Variants in ACSM2A observed in about 807,000 individuals in gnomAD.
The protein encoded by ACSM2A is acyl-CoA synthetase medium chain family member 2A.
A neutral mutation model predicts 76.6 loss-of-function variants in ACSM2A; 72 were observed. The ratio of observed to expected loss-of-function variants is 0.94; its 90% confidence interval spans 0.78 to 1.14. ACSM2A has a LOEUF of 1.14. Ranked by LOEUF, ACSM2A falls within the 50% of genes most tolerant of loss-of-function variation. The pLI, the probability that ACSM2A is intolerant of heterozygous loss-of-function variation, is 0.00. For synonymous variants in ACSM2A, 249 were observed against 255.9 expected (o/e 0.97, Z 0.26); for missense variants, 684 against 708.5 (o/e 0.97, Z 0.39).
chr16:20,473,152 T>C (rs1426136199), intron 6 of ACSM2A, among the ~76,000 whole-genome samples: 1 of 152,188 alleles, frequency 6.6e-6, no homozygotes, highest in Non-Finnish European at 1.5e-5. Flanking sequence ...AGACATCTAT[T>C]TGGCTGCAGC....
At position 20,465,531 on chromosome 16, in the gene ACSM2A, C is replaced by T; in HGVS notation, c.192C>T (p.Leu64=). Residue 64 remains leucine, a synonymous_variant, in exon 3 of 14, where the codon CTC becomes CTT. Coordinates refer to ENST00000573854, the MANE Select transcript of ACSM2A (RefSeq NM_001308172.2). ...WADMEKAGKR[L]PSPALWWVNG... ...TCTTTCCTCAGGCTGGCAAGCGACT[C>T]CCAAGCCCAGCCCTGTGGTGGGTGA... 6.2e-7 allele frequency: 1 copy of T among 1,613,920 alleles called. No homozygotes were observed. Among genetic ancestry groups the T allele is most frequent in the Non-Finnish European group, 8.5e-7 (1 of 1,179,832 alleles).
intron 5 of ACSM2A, 68 bp downstream of exon 5, chr16:20,471,284 A>AT: frequency 6.4e-7 from 1 of 1,572,802 alleles, no homozygotes; most frequent in Non-Finnish European, 8.6e-7. Context: ...AATGAGACCC[A>AT]ATTATATATT....
intron 1 of ACSM2A, among the ~76,000 whole-genome samples, chr16:20,457,007 T>C (rs898929758): frequency 3.3e-5 from 5 of 151,700 alleles, no homozygotes; most frequent in Admixed American, 2.0e-4. Flanking sequence ...AAAAGATCAT[T>C]CAAGGCACTA....
intron 12 of ACSM2A, chr16:20,481,257 G>A (rs201104226): frequency 1.2e-4 from 39 of 320,562 alleles, no homozygotes; most frequent in East Asian, 2.0e-4. Flanking sequence ...AGCATATCAA[G>A]AAGATGTCCA....
chr16:20,462,297 T>C (rs1240993390), intron 2 of ACSM2A, among the ~76,000 whole-genome samples: 1 of 152,132 alleles, frequency 6.6e-6, no homozygotes, highest in East Asian at 1.9e-4. Context: ...ACCATAATTC[T>C]AATGCTGTGG....
chr16:20,474,722 T>C (rs931251438), intron 6 of ACSM2A, among the ~76,000 whole-genome samples: 3 of 152,196 alleles, frequency 2.0e-5, no homozygotes, highest in African/African-American at 7.2e-5. Flanking sequence ...GAGCAGCTAC[T>C]TAACCTTGTA....
In ACSM2A at chr16:20,486,786, A is replaced by G; in HGVS notation, c.*108A>G. The G allele has an allele frequency of 7.3e-7, 1 of 1,362,702 alleles. No individual in the cohort carries two copies. The highest frequency in any genetic ancestry group is 2.0e-5 in the Admixed American group (1 of 50,502). 84.4% of individuals were successfully genotyped at this position (1,362,702 alleles called of 1,614,324 possible). A position where few individuals can be genotyped will look rare whatever the true frequency, so the allele number is the denominator to read the frequency against. On this transcript the variant is annotated 3_prime_UTR_variant, in exon 14 of 14. Coordinates refer to ENST00000573854, the MANE Select transcript of ACSM2A (RefSeq NM_001308172.2). ...TGAGATTCTTTATGGAAGAACATGA[A>G]TATAAGTTTTGTCTTGCCTTGGTTA...
Position 20,479,071 on chromosome 16 carries a change from G to T in ACSM2A, c.1281+394G>T, listed in dbSNP as rs1298316695. ...TTAGAGCCATGCCAGGCACTTTACA[G>T]TAAGACTTCACCATCTAGTTGGAGG... On this transcript the variant is annotated intron_variant, in intron 10 of 13. Transcript: ENST00000573854. 1.4e-4 allele frequency among the ~76,000 whole-genome samples: 21 copies of T among 151,976 alleles called. No individual in the cohort carries two copies. The East Asian group carries it at 3.1e-3, about 22-fold the overall frequency.
intron 12 of ACSM2A, chr16:20,482,284 A>T (rs147169385): frequency 1.2e-4 from 18 of 152,290 alleles, no homozygotes; most frequent in African/African-American, 4.1e-4. Flanking sequence ...TTTGAATCAG[A>T]GTCTGATTCC....
rs546632247 is a variant in ACSM2A at position 20,474,807 on chromosome 16, A to G, written c.895-555A>G. Among the ~76,000 whole-genome samples, 11 of 152,344 alleles carry G rather than the reference A, an allele frequency of 7.2e-5. No homozygotes were observed. In the South Asian group the frequency reaches 1.7e-3, roughly 23 times the overall value. On this transcript the variant is annotated intron_variant, in intron 6 of 13. Coordinates refer to ENST00000573854, the MANE Select transcript of ACSM2A (RefSeq NM_001308172.2). ...GAGGTTATTGTAAAAATTAAATGAG[A>G]TAACACAGGACATGGCAAGTATTCA... is the stretch of plus-strand genomic sequence containing the variant.
chr16:20,484,850 A>T (rs2014302374), intron 13 of ACSM2A, among the ~76,000 whole-genome samples: 1 of 152,092 alleles, frequency 6.6e-6, no homozygotes, highest in Non-Finnish European at 1.5e-5. Context: ...GGCTGAGGCA[A>T]TCCTCATATT....
chr16:20,475,541 A>C (rs2013683553), intron 7 of ACSM2A, 100 bp downstream of exon 7: 3 of 1,603,034 alleles, frequency 1.9e-6, no homozygotes, highest in Non-Finnish European at 2.6e-6. Flanking sequence ...GCACACAGAG[A>C]GCCCCATGAA....
chr16:20,461,871 G>T (rs916028839), intron 2 of ACSM2A, among the ~76,000 whole-genome samples: 5 of 152,084 alleles, frequency 3.3e-5, no homozygotes, highest in Non-Finnish European at 5.9e-5. Context: ...TCTCAAATCT[G>T]CCCCCTTGAA....
chr16:20,467,154 T>G (rs1048773914), intron 3 of ACSM2A, among the ~76,000 whole-genome samples: 1 of 152,034 alleles, frequency 6.6e-6, no homozygotes, highest in African/African-American at 2.4e-5. Flanking sequence ...GAGGGAAACT[T>G]GAAAATTATA....
intron 1 of ACSM2A, among the ~76,000 whole-genome samples, chr16:20,457,307 C>G (rs1293124217): frequency 4.6e-5 from 7 of 152,046 alleles, no homozygotes; most frequent in African/African-American, 1.7e-4. Context: ...CTCCCTAAAT[C>G]ATTCTATGAA....
chr16:20,469,171 T>G (rs2013207815), intron 3 of ACSM2A, among the ~76,000 whole-genome samples: 1 of 151,950 alleles, frequency 6.6e-6, no homozygotes, highest in Non-Finnish European at 1.5e-5. Context: ...AATTATCATA[T>G]GAGAGTTTTG....
intron 5 of ACSM2A, 92 bp downstream of exon 5, chr16:20,471,308 C>T (rs571079788): frequency 1.3e-4 from 206 of 1,536,400 alleles, no homozygotes; most frequent in Middle Eastern, 3.5e-4. Context: ...TCAGGTCAAC[C>T]GGGGTCCCAC....
At chr16:20,471,419 G>T in intron 5 of ACSM2A, 117 bp from the exon 6 acceptor site, 5 of 1,499,926 alleles carry the variant, frequency 3.3e-6, no homozygotes, top group Non-Finnish European at 4.5e-6. Flanking sequence ...AAACCTGCAG[G>T]CAGATACACA....
At chr16:20,479,709 C>T (rs2013974827) in intron 10 of ACSM2A, among the ~76,000 whole-genome samples, 1 of 152,186 alleles carries the variant, frequency 6.6e-6, no homozygotes, top group Non-Finnish European at 1.5e-5. Flanking sequence ...CAGTGAAGTA[C>T]TATGTCATGG....
Sources: gnomAD v4.1 joint callset for allele counts (sites outside exome capture counted in the v4.1 genomes callset) on GRCh38, gnomAD v4.1.1 for gene constraint, MANE v1.5 for transcripts, NCBI Gene and HGNC (gene_info 2026-07-23, HGNC 2026-07-21) for gene names.